The following KIRREL3 variants were observed in gnomAD, a reference collection of about 807,000 sequenced individuals.
KIRREL3 encodes kin of IRRE-like protein 3.
Under a neutral mutation model 89.7 loss-of-function variants are expected in KIRREL3, and 36 were observed. The ratio of observed to expected loss-of-function variants is 0.40; its 90% CI spans 0.31 to 0.53. The LOEUF is 0.53. Ranked by LOEUF, KIRREL3 falls within the 20% of genes least tolerant of loss-of-function variation. The probability of loss-of-function intolerance (pLI) is 0.49; values close to 1 mark genes in which losing one functional copy is unlikely to be tolerated. For synonymous variants in KIRREL3, 445 were observed against 441.4 expected (o/e 1.01, Z -0.10); for missense variants, 864 against 1,056.6 (o/e 0.82, Z 2.53).
Position 126,666,071 on chromosome 11 carries a change from A to T in KIRREL3, c.56-103159T>A, listed in dbSNP as rs76472032. Among the ~76,000 whole-genome samples, 3,158 of 152,310 alleles carry T rather than the reference A, an allele frequency of 0.021. 118 individuals are homozygous for T. The highest frequency in any genetic ancestry group is 0.07 in the African/African-American group (2,898 of 41,548). The stretch of plus-strand genomic sequence containing the variant: ...TTTATTTTGAAGGCGCTCCTCGGAG[A>T]TTCTGATTTGCATCCATGGTTCAGA... On this transcript the variant is annotated intron_variant, in intron 1 of 16. Transcript: ENST00000525144. The surrounding 1 kb of genome is among the most constrained non-coding windows in gnomAD (Gnocchi z 4.2).
chr11:126,478,171 CTCTG>C, intron 4 of KIRREL3, among the ~76,000 whole-genome samples: 1 of 151,906 alleles, frequency 6.6e-6, no homozygotes, highest in South Asian at 2.1e-4. Flanking sequence ...CCCTGCTCCT[CTCTG>C]TCTGTAACGC....
At position 126,750,432 on chromosome 11, in the gene KIRREL3, T is replaced by C. The variant is rs900130108; in HGVS notation, c.56-187520A>G. Among the ~76,000 whole-genome samples, 12 of 152,172 alleles carry C rather than the reference T, an allele frequency of 7.9e-5. No homozygotes were observed. Among genetic ancestry groups the C allele is most frequent in the African/African-American group, 2.9e-4 (12 of 41,438 alleles). On this transcript the variant is annotated intron_variant, in intron 1 of 16. Coordinates refer to ENST00000525144, the MANE Select transcript of KIRREL3 (RefSeq NM_032531.4). The surrounding 1 kb of genome is among the most constrained non-coding windows in gnomAD (Gnocchi z 4.2). The stretch of plus-strand genomic sequence containing the variant: ...AGTGAGGTTAGCCAGAGAGGAACAC[T>C]CTTACCCTCTTTAGAAACAGAAGGG...
chr11:126,723,283 CTA>C lies in KIRREL3; in HGVS notation c.56-160373_56-160372del. Among the ~76,000 whole-genome samples the C allele has an allele frequency of 6.6e-6, 1 of 152,226 alleles. No individual in the cohort carries two copies. Among genetic ancestry groups the C allele is most frequent in the South Asian group, 2.1e-4 (1 of 4,822 alleles). ...AGACACACTTTTAGTAGGGGCTAAG[CTA>C]TGTTTGTGGAGTAGAATGAAAGGCA... On this transcript the variant is annotated intron_variant, in intron 1 of 16. Coordinates refer to ENST00000525144, the MANE Select transcript of KIRREL3 (RefSeq NM_032531.4). The surrounding 1 kb of genome is among the most constrained non-coding windows in gnomAD (Gnocchi z 4.0).
rs1949851303 is a variant in KIRREL3, at chr11:126,985,855, G to A, written c.55+14600C>T. On this transcript the variant is annotated intron_variant, in intron 1 of 16. Transcript: ENST00000525144. The surrounding 1 kb of genome is among the most constrained non-coding windows in gnomAD (Gnocchi z 5.3). ...ATGAAAGGAAACTTCAAAACCTTGA[G>A]TATAAGGCATGTGCCTTCATGACCC... Among the ~76,000 whole-genome samples, 1 of 152,232 alleles carries A rather than the reference G, an allele frequency of 6.6e-6. No individual in the cohort carries two copies. The highest frequency in any genetic ancestry group is 6.5e-5 in the Admixed American group (1 of 15,284).
Position 126,608,029 on chromosome 11 carries a change from T to C in KIRREL3, c.56-45117A>G, listed in dbSNP as rs545525107. On this transcript the variant is annotated intron_variant, in intron 1 of 16. Transcript: ENST00000525144. The surrounding 1 kb of genome is among the most constrained non-coding windows in gnomAD (Gnocchi z 4.9). ...TTCTCATCATCTCCCGTGCCTGCCGTGCTGTCTCTTACCAACCCAGGAGGG... is the reference window on the plus strand; with the variant it reads ...TTCTCATCATCTCCCGTGCCTGCCGCGCTGTCTCTTACCAACCCAGGAGGG... Among the ~76,000 whole-genome samples, 5 of 152,318 alleles carry C rather than the reference T, an allele frequency of 3.3e-5. No homozygotes were observed. The South Asian group carries it at 1.0e-3, about 32-fold the overall frequency.
At position 126,883,800 on chromosome 11, in the gene KIRREL3, T is replaced by C. The variant is rs148276978; in HGVS notation, c.55+116655A>G. On this transcript the variant is annotated intron_variant, in intron 1 of 16. Transcript: ENST00000525144. The surrounding 1 kb of genome is among the most constrained non-coding windows in gnomAD (Gnocchi z 4.1). ...AAAAATGCTTGTTTGAAATTAAAGA[T>C]CCAATGTTAGAAAGTATGTTATATT... Among the ~76,000 whole-genome samples, 1 of 152,208 alleles carries C rather than the reference T, an allele frequency of 6.6e-6. No homozygotes were observed. Among genetic ancestry groups the C allele is most frequent in the African/African-American group, 2.4e-5 (1 of 41,520 alleles).
At chr11:126,922,426 A>G (rs897710535) in intron 1 of KIRREL3, among the ~76,000 whole-genome samples, 1 of 152,104 alleles carries the variant, frequency 6.6e-6, no homozygotes, top group African/African-American at 2.4e-5. Flanking sequence ...ACAGAAGCCG[A>G]CAGATAAGTA....
rs1034201953 is a variant in KIRREL3 at position 126,860,336 on chromosome 11, T to G, written c.55+140119A>C. On this transcript the variant is annotated intron_variant, in intron 1 of 16. Coordinates refer to ENST00000525144, the MANE Select transcript of KIRREL3 (RefSeq NM_032531.4). This position sits in a 1 kb window ranked among gnomAD's most constrained non-coding sequence, Gnocchi z 4.6. Reference sequence around the variant, plus strand: ...ATTTAATAAAGGCGTGGGCAATGGGTCTGGGAGCACAGAGAAGGTTGCCTT... The same window carrying G: ...ATTTAATAAAGGCGTGGGCAATGGGGCTGGGAGCACAGAGAAGGTTGCCTT... Among the ~76,000 whole-genome samples, 1 of 152,124 alleles carries G rather than the reference T, an allele frequency of 6.6e-6. No homozygotes were observed. The highest frequency in any genetic ancestry group is 2.4e-5 in the African/African-American group (1 of 41,414).
At chr11:126,447,234 C>A (rs144890520) in intron 8 of KIRREL3, among the ~76,000 whole-genome samples, 61 of 152,186 alleles carry the variant, frequency 4.0e-4, no homozygotes, top group Non-Finnish European at 5.9e-4. Context: ...GGATCACGCC[C>A]GGTGCTAGAA....
Position 126,665,348 on chromosome 11 carries a change from C to G in KIRREL3, c.56-102436G>C, listed in dbSNP as rs184929741. Among the ~76,000 whole-genome samples, 17 of 152,294 alleles carry G rather than the reference C, an allele frequency of 1.1e-4. 1 individual carries two copies. The highest frequency in any genetic ancestry group is 9.2e-4 in the Admixed American group (14 of 15,300). On this transcript the variant is annotated intron_variant, in intron 1 of 16. Transcript: ENST00000525144. Reference sequence around the variant, plus strand: ...AGAATATTTAAAATAAGATTGAGTACAGTGGCTCTTTGCCAGGTGTGTGTT... The same window carrying G: ...AGAATATTTAAAATAAGATTGAGTAGAGTGGCTCTTTGCCAGGTGTGTGTT...
At chr11:126,945,186 C>T (rs977545547) in intron 1 of KIRREL3, 1 of 152,326 alleles carries the variant, frequency 6.6e-6, no homozygotes, top group African/African-American at 2.4e-5. Context: ...GGCCCGTGTT[C>T]TCAGCTCCCC....
rs1268036958 is a variant in KIRREL3, at chr11:126,891,299, A to G, written c.55+109156T>C. Among the ~76,000 whole-genome samples, 1 of 152,326 alleles carries G rather than the reference A, an allele frequency of 6.6e-6. No individual in the cohort carries two copies. Among genetic ancestry groups the G allele is most frequent in the South Asian group, 2.1e-4 (1 of 4,826 alleles). On this transcript the variant is annotated intron_variant, in intron 1 of 16. Transcript: ENST00000525144. This position sits in a 1 kb window ranked among gnomAD's most constrained non-coding sequence, Gnocchi z 5.1. ...CAAAAAGATCCTGGGATATCAAAATATCACTGTCTGACTCTGATAATGACT... is the reference window on the plus strand; with the variant it reads ...CAAAAAGATCCTGGGATATCAAAATGTCACTGTCTGACTCTGATAATGACT...
rs1300777519 is a variant in KIRREL3 at position 126,705,135 on chromosome 11, T to A, written c.56-142223A>T. On this transcript the variant is annotated intron_variant, in intron 1 of 16. Coordinates refer to ENST00000525144, the MANE Select transcript of KIRREL3 (RefSeq NM_032531.4). The surrounding 1 kb of genome is among the most constrained non-coding windows in gnomAD (Gnocchi z 4.3). Reference sequence around the variant, plus strand: ...AAAATGTACACATTTATAGTAAGAATACAAACAGTACAAAGATGTCAGTCC... The same window carrying A: ...AAAATGTACACATTTATAGTAAGAAAACAAACAGTACAAAGATGTCAGTCC... 6.6e-6 allele frequency among the ~76,000 whole-genome samples: 1 copy of A among 152,236 alleles called. No homozygotes were observed. Among genetic ancestry groups the A allele is most frequent in the Non-Finnish European group, 1.5e-5 (1 of 68,042 alleles).
intron 1 of KIRREL3, among the ~76,000 whole-genome samples, chr11:126,779,955 C>T (rs1037946918): frequency 1.3e-5 from 2 of 152,034 alleles, no homozygotes; most frequent in African/African-American, 4.8e-5. Context: ...AGGTGCATCA[C>T]GAGAGGCAGA....
chr11:126,520,043 C>T lies in KIRREL3; in HGVS notation c.433+1272G>A, dbSNP rs1048788683. ...TGAGGCTGGCCCCAAGTCCCTCCCC[C>T]GCATCTCAAGAAGTCAAGCTCCGAG... On this transcript the variant is annotated intron_variant, in intron 4 of 16. Coordinates refer to ENST00000525144, the MANE Select transcript of KIRREL3 (RefSeq NM_032531.4). The surrounding 1 kb of genome is among the most constrained non-coding windows in gnomAD (Gnocchi z 4.9). Among the ~76,000 whole-genome samples the T allele has an allele frequency of 2.6e-5, 4 of 152,172 alleles. No individual in the cohort carries two copies. The highest frequency in any genetic ancestry group is 2.1e-4 in the South Asian group (1 of 4,822).
rs1030935315 is a variant in KIRREL3 at position 126,906,143 on chromosome 11, T to A, written c.55+94312A>T. 1.3e-5 allele frequency among the ~76,000 whole-genome samples: 2 copies of A among 152,136 alleles called. No individual in the cohort carries two copies. Among genetic ancestry groups the A allele is most frequent in the African/African-American group, 4.8e-5 (2 of 41,438 alleles). ...CCATCCTGCCCCTCTCTGAATTCCCTCACTCAGAGATAGGCTCTCTTTTCT... is the reference window on the plus strand; with the variant it reads ...CCATCCTGCCCCTCTCTGAATTCCCACACTCAGAGATAGGCTCTCTTTTCT... On this transcript the variant is annotated intron_variant, in intron 1 of 16. Transcript: ENST00000525144. The surrounding 1 kb of genome is among the most constrained non-coding windows in gnomAD (Gnocchi z 4.1).
At position 126,870,220 on chromosome 11, in the gene KIRREL3, C is replaced by T. The variant is rs1364964156; in HGVS notation, c.55+130235G>A. 6.6e-6 allele frequency among the ~76,000 whole-genome samples: 1 copy of T among 152,196 alleles called. No homozygotes were observed. Among genetic ancestry groups the T allele is most frequent in the African/African-American group, 2.4e-5 (1 of 41,446 alleles). On this transcript the variant is annotated intron_variant, in intron 1 of 16. Transcript: ENST00000525144. This position sits in a 1 kb window ranked among gnomAD's most constrained non-coding sequence, Gnocchi z 4.4. ...GGTCTAAAGCCACATCCTGTCTGCCCCAGGCTCATATTCTGCCAGGGACCA... is the reference window on the plus strand; with the variant it reads ...GGTCTAAAGCCACATCCTGTCTGCCTCAGGCTCATATTCTGCCAGGGACCA...
chr11:126,939,303 G>A (rs954417749), intron 1 of KIRREL3, among the ~76,000 whole-genome samples: 8 of 152,092 alleles, frequency 5.3e-5, no homozygotes, highest in Non-Finnish European at 1.0e-4. Flanking sequence ...ACCTTCGAGC[G>A]CTTAATTAGT....
chr11:126,901,076 T>C (rs1946350466), intron 1 of KIRREL3, among the ~76,000 whole-genome samples: 1 of 152,074 alleles, frequency 6.6e-6, no homozygotes, highest in Non-Finnish European at 1.5e-5. Context: ...TAACTGTGCA[T>C]GGTGGCGCAC....
Sources: gnomAD v4.1 joint callset for allele counts (sites outside exome capture counted in the v4.1 genomes callset) on GRCh38, gnomAD v4.1.1 for gene constraint, Gnocchi (gnomAD v3.1) non-coding constraint, MANE v1.5 for transcripts, NCBI Gene and HGNC (gene_info 2026-07-23, HGNC 2026-07-21) for gene names.